The following DCC variants were observed in gnomAD, a reference collection of about 807,000 sequenced individuals.
DCC encodes DCC netrin 1 receptor, also known as netrin receptor DCC.
In DCC, 58 loss-of-function variants were observed where a neutral mutation model predicts 172.5. That is an observed-to-expected ratio of 0.34 (90% CI 0.27 to 0.42). The LOEUF is 0.42. Among genes scored for constraint, DCC ranks in the 10% least tolerant of loss-of-function variants. The pLI is 1.00. For synonymous variants in DCC, 709 were observed against 644.5 expected (o/e 1.10, Z -1.52); for missense variants, 1,740 against 1,791.0 (o/e 0.97, Z 0.51).
chr18:52,414,359 C>T (rs1986945353), intron 1 of DCC, among the ~76,000 whole-genome samples: 1 of 152,212 alleles, frequency 6.6e-6, no homozygotes, highest in African/African-American at 2.4e-5. Context: ...GCTGGGATTA[C>T]AGGCATGAGG....
At chr18:52,492,497 AAAG>A (rs1187131962) in intron 1 of DCC, among the ~76,000 whole-genome samples, 2 of 151,822 alleles carry the variant, frequency 1.3e-5, no homozygotes, top group Non-Finnish European at 2.9e-5. Flanking sequence ...GAGACAGGAG[AAAG>A]AAGAAGGATG....
chr18:53,456,930 C>T (rs1482569708), intron 23 of DCC, among the ~76,000 whole-genome samples: 1 of 152,140 alleles, frequency 6.6e-6, no homozygotes, highest in Admixed American at 6.5e-5. Context: ...TATTACAAAC[C>T]TGCTGTGGTA....
chr18:53,515,434 G>C (rs1017541076), intron 27 of DCC, among the ~76,000 whole-genome samples: 1 of 150,370 alleles, frequency 6.7e-6, no homozygotes, highest in Non-Finnish European at 1.5e-5. Flanking sequence ...ACATAGTGTT[G>C]GAAGTTCTGG....
chr18:52,421,471 G>A (rs1304695575), intron 1 of DCC, among the ~76,000 whole-genome samples: 2 of 152,170 alleles, frequency 1.3e-5, no homozygotes, highest in South Asian at 2.1e-4. Context: ...CAGACTCCAA[G>A]GGCTGAAAGT....
intron 2 of DCC, among the ~76,000 whole-genome samples, chr18:52,839,229 G>A (rs1346391933): frequency 6.6e-6 from 1 of 152,146 alleles, no homozygotes; most frequent in African/African-American, 2.4e-5. Flanking sequence ...AATTGACACA[G>A]AAGTTTTCTA....
At chr18:52,363,410 A>G (rs949262096) in intron 1 of DCC, among the ~76,000 whole-genome samples, 2 of 152,170 alleles carry the variant, frequency 1.3e-5, no homozygotes, top group Non-Finnish European at 2.9e-5. Context: ...TTTCTCTCCT[A>G]TCATGTAGCT....
chr18:53,095,371 G>C (rs4426414), intron 7 of DCC, among the ~76,000 whole-genome samples: 105,037 of 152,120 alleles, frequency 0.69, 38,092 homozygotes, highest in African/African-American at 0.9. Flanking sequence ...ATAGATTTGA[G>C]AGGGAAAAAT....
At chr18:52,617,069 T>C (rs1032799704) in intron 1 of DCC, among the ~76,000 whole-genome samples, 2 of 152,156 alleles carry the variant, frequency 1.3e-5, no homozygotes, top group Non-Finnish European at 2.9e-5. Flanking sequence ...GTGAATATCA[T>C]GGTCAAAGTA....
At chr18:53,020,515 C>G (rs1011922650) in intron 5 of DCC, among the ~76,000 whole-genome samples, 4 of 152,072 alleles carry the variant, frequency 2.6e-5, no homozygotes, top group Middle Eastern at 3.4e-3. Context: ...AGCAATAATC[C>G]AAACGAAAAA....
At chr18:52,837,162 T>G (rs527652738) in intron 2 of DCC, among the ~76,000 whole-genome samples, 1 of 152,298 alleles carries the variant, frequency 6.6e-6, no homozygotes, top group African/African-American at 2.4e-5. Context: ...GTTGGGCCCT[T>G]GAAACCATAT....
chr18:53,444,810 A>G (rs1912499011), intron 22 of DCC, among the ~76,000 whole-genome samples: 1 of 152,232 alleles, frequency 6.6e-6, no homozygotes, highest in African/African-American at 2.4e-5. Context: ...CCAAAACCAC[A>G]GTATTTCTGC....
At chr18:52,577,010 T>A (rs1349396331) in intron 1 of DCC, among the ~76,000 whole-genome samples, 1 of 152,222 alleles carries the variant, frequency 6.6e-6, no homozygotes, top group African/African-American at 2.4e-5. Context: ...TGGTAATTTA[T>A]CAACATAGTC....
chr18:53,318,401 A>C (rs1381906851), intron 13 of DCC, among the ~76,000 whole-genome samples: 1 of 152,072 alleles, frequency 6.6e-6, no homozygotes, highest in African/African-American at 2.4e-5. Flanking sequence ...TTTACCTCCA[A>C]TTATGTGGTC....
At chr18:52,353,604 G>C (rs142120370) in intron 1 of DCC, among the ~76,000 whole-genome samples, 22 of 152,350 alleles carry the variant, frequency 1.4e-4, no homozygotes, top group African/African-American at 5.3e-4. Flanking sequence ...CAGAAGGGGT[G>C]TAACAGAGGT....
intron 5 of DCC, among the ~76,000 whole-genome samples, chr18:52,934,499 A>C (rs2040354082): frequency 6.6e-6 from 1 of 152,052 alleles, no homozygotes; most frequent in Admixed American, 6.6e-5. Flanking sequence ...ATGTTATCTG[A>C]GTTTTAAGCA....
intron 12 of DCC, among the ~76,000 whole-genome samples, chr18:53,304,352 G>A (rs2057175213): frequency 6.6e-6 from 1 of 151,954 alleles, no homozygotes; most frequent in Non-Finnish European, 1.5e-5. Flanking sequence ...AATTGATCAG[G>A]GATATGACTG....
At chr18:53,032,051 CAGG>C (rs796160845) in intron 5 of DCC, among the ~76,000 whole-genome samples, 17 of 152,196 alleles carry the variant, frequency 1.1e-4, no homozygotes, top group African/African-American at 4.1e-4. Context: ...ATATTGTACT[CAGG>C]AGGTCAGCCA....
chr18:52,834,591 C>A (rs2038670471), intron 2 of DCC, among the ~76,000 whole-genome samples: 1 of 152,140 alleles, frequency 6.6e-6, no homozygotes, highest in Admixed American at 6.5e-5. Flanking sequence ...CTTATAAAAG[C>A]ACACAAGCTA....
intron 1 of DCC, among the ~76,000 whole-genome samples, chr18:52,725,432 T>C (rs2036536905): frequency 6.6e-6 from 1 of 152,196 alleles, no homozygotes; most frequent in African/African-American, 2.4e-5. Flanking sequence ...AATAGAATAA[T>C]GTTCATATGG....
Sources: allele counts gnomAD v4.1 joint callset (sites outside exome capture counted in the v4.1 genomes callset), GRCh38; gene constraint gnomAD v4.1.1; transcripts MANE v1.5; gene names NCBI Gene and HGNC (gene_info 2026-07-23, HGNC 2026-07-21).